Variants in SLC30A8 observed in about 807,000 individuals in gnomAD.
The protein encoded by SLC30A8 is proton-coupled zinc antiporter SLC30A8.
Under a neutral mutation model 36.9 loss-of-function variants are expected in SLC30A8, and 27 were observed. The observed-to-expected ratio is 0.73, with a 90% confidence interval of 0.54 to 1.01. SLC30A8 has a LOEUF of 1.01. SLC30A8 is among the 50% of genes least tolerant of loss of function. SLC30A8 has a pLI of 0.00. For missense variants in SLC30A8, 439 were observed against 452.0 expected, an observed-to-expected ratio of 0.97 and a Z score of 0.26; for synonymous variants, 164 against 172.4, an observed-to-expected ratio of 0.95 and a Z score of 0.38.
At chr8:117,028,544 A>G (rs1262819169) in intron 1 of SLC30A8, among the ~76,000 whole-genome samples, 3 of 130,058 alleles carry the variant, frequency 2.3e-5, no homozygotes, top group African/African-American at 9.0e-5. Context: ...GCATCTTCTC[A>G]CCACAGTTTT....
intron 1 of SLC30A8, among the ~76,000 whole-genome samples, chr8:117,022,444 A>T (rs1292306487): frequency 6.6e-6 from 1 of 152,220 alleles, no homozygotes; most frequent in East Asian, 1.9e-4. Flanking sequence ...AATGACCTTT[A>T]GTGTCCCTCT....
Position 117,028,456 on chromosome 8 carries a change from G to T in SLC30A8, c.-265-10763G>T, listed in dbSNP as rs1020753944. 2.0e-5 allele frequency among the ~76,000 whole-genome samples: 3 copies of T among 152,066 alleles called. No homozygotes were observed. In the South Asian group the frequency reaches 6.2e-4, roughly 31 times the overall value. On this transcript the variant is annotated intron_variant, in intron 1 of 10. Transcript: ENST00000427715. The stretch of plus-strand genomic sequence containing the variant: ...GGGGACAGTCTCTAGACCTCAGAGG[G>T]TTGCTGGATAGTGTCTGAAAATTTT...
chr8:117,101,325 G>C (rs996854115), intron 2 of SLC30A8, among the ~76,000 whole-genome samples: 1 of 152,026 alleles, frequency 6.6e-6, no homozygotes, highest in Non-Finnish European at 1.5e-5. Flanking sequence ...TTTTGGAGTC[G>C]TTGGACACAC....
intron 2 of SLC30A8, among the ~76,000 whole-genome samples, chr8:117,086,541 G>A (rs1818885064): frequency 6.6e-6 from 1 of 152,150 alleles, no homozygotes; most frequent in Non-Finnish European, 1.5e-5. Flanking sequence ...TCTGTGAATT[G>A]GCTGAGGTCA....
At chr8:116,954,130 A>T (rs1052021620) in intron 1 of SLC30A8, among the ~76,000 whole-genome samples, 1 of 152,178 alleles carries the variant, frequency 6.6e-6, no homozygotes, top group Non-Finnish European at 1.5e-5. Context: ...GAAGTTGGAG[A>T]TAAGATAATG....
intron 1 of SLC30A8, among the ~76,000 whole-genome samples, chr8:116,971,056 CTG>C (rs1814779354): frequency 6.6e-6 from 1 of 152,184 alleles, no homozygotes; most frequent in Non-Finnish European, 1.5e-5. Flanking sequence ...GATCACGCCA[CTG>C]TATTCTAGCC....
intron 1 of SLC30A8, among the ~76,000 whole-genome samples, chr8:117,140,814 A>G (rs1339530423): frequency 1.3e-5 from 2 of 152,156 alleles, no homozygotes; most frequent in East Asian, 1.9e-4. Context: ...TTCCTAAAAA[A>G]TAATAGCACC....
At chr8:117,027,544 T>C (rs1816911617) in intron 1 of SLC30A8, among the ~76,000 whole-genome samples, 1 of 152,258 alleles carries the variant, frequency 6.6e-6, no homozygotes, top group East Asian at 1.9e-4. Context: ...CTGTGCTGTA[T>C]TGTTGACTCC....
Position 117,172,670 on chromosome 8 carries a change from C to G in SLC30A8, c.1099C>G (p.Pro367Ala). ...QDPDCLFCED[P>A]CD ...CCCCGACTGCCTTTTCTGTGAAGACCCCTGTGACTAGCTCAGTCACACCGT... is the reference window on the plus strand; with the variant it reads ...CCCCGACTGCCTTTTCTGTGAAGACGCCTGTGACTAGCTCAGTCACACCGT... Residue 367 changes from proline to alanine, a missense_variant, in exon 8 of 8, where the codon CCC (proline) becomes GCC (alanine). Physicochemically the swap from Pro to Ala is conservative, Grantham distance 27. Transcript: ENST00000456015. 1.2e-6 allele frequency: 2 copies of G among 1,613,602 alleles called. No homozygotes were observed. The highest frequency in any genetic ancestry group is 1.7e-6 in the Non-Finnish European group (2 of 1,179,640).
chr8:116,997,941 A>G (rs775133945), intron 1 of SLC30A8, among the ~76,000 whole-genome samples: 11 of 152,212 alleles, frequency 7.2e-5, no homozygotes, highest in Non-Finnish European at 8.8e-5. Flanking sequence ...CCACTTGGTC[A>G]TTGCTGCAAA....
chr8:117,066,741 G>A (rs371426566), intron 2 of SLC30A8, among the ~76,000 whole-genome samples: 8 of 152,096 alleles, frequency 5.3e-5, no homozygotes, highest in African/African-American at 1.9e-4. Flanking sequence ...CCTTCTCTGG[G>A]ACTTTTGGCA....
chr8:117,168,804 G>C (rs1268604567), intron 6 of SLC30A8, among the ~76,000 whole-genome samples: 1 of 152,090 alleles, frequency 6.6e-6, no homozygotes, highest in African/African-American at 2.4e-5. Flanking sequence ...TAGTATTTGC[G>C]TAACACTTTA....
chr8:117,006,788 T>A lies in SLC30A8; in HGVS notation c.-265-32431T>A, dbSNP rs1434427564. On this transcript the variant is annotated intron_variant, in intron 1 of 10. Transcript: ENST00000427715. ...AGTCAGGTAATTTTTTTTTTTTTTT[T>A]TTTTTTTTTTTTGAGACGGAATCTG... Among the ~76,000 whole-genome samples the A allele has an allele frequency of 2.3e-3, 295 of 126,488 alleles. 4 individuals are homozygous for A. Among genetic ancestry groups the A allele is most frequent in the African/African-American group, 8.8e-3 (274 of 31,304 alleles). The allele number at this position is 126,488 out of a possible 152,430, so 83.0% of individuals were successfully genotyped here.
intron 3 of SLC30A8, among the ~76,000 whole-genome samples, chr8:117,155,612 C>G (rs1200817266): frequency 6.6e-6 from 1 of 152,124 alleles, no homozygotes; most frequent in Non-Finnish European, 1.5e-5. Flanking sequence ...TGAAGGTTGT[C>G]TATGAATGAG....
At chr8:117,144,265 A>G (rs1486178401) in intron 1 of SLC30A8, among the ~76,000 whole-genome samples, 1 of 152,158 alleles carries the variant, frequency 6.6e-6, no homozygotes, top group East Asian at 1.9e-4. Flanking sequence ...TAAATACTTT[A>G]TTTGTTACTT....
intron 1 of SLC30A8, among the ~76,000 whole-genome samples, chr8:117,022,207 A>C (rs1015921769): frequency 4.6e-5 from 7 of 152,086 alleles, no homozygotes; most frequent in African/African-American, 1.7e-4. Flanking sequence ...CTCAAAAAAA[A>C]AAAAAGAAAA....
rs755870509 is a variant in SLC30A8, at chr8:117,171,159, G to A, written c.955G>A (p.Val319Ile). 6.2e-7 allele frequency: 1 copy of A among 1,613,496 alleles called. No individual in the cohort carries two copies. The highest frequency in any genetic ancestry group is 1.7e-5 in the Admixed American group (1 of 59,972). Residue 319 changes from valine (V) to isoleucine (I), a missense_variant, in exon 7 of 8, where the codon GTT becomes ATT. Physicochemically the swap from Val to Ile is conservative, Grantham distance 29. Coordinates refer to ENST00000456015, the MANE Select transcript of SLC30A8 (RefSeq NM_173851.3). ...GAATCAAGTAATTCTCTCAGCTCAT[G>A]TTGCTACAGGTCAGTGAGTTTTGTA... is the stretch of plus-strand genomic sequence containing the variant. ...TMNQVILSAH[V>I]ATAASRDSQV...
At chr8:117,095,737 C>T (rs756467062) in intron 2 of SLC30A8, among the ~76,000 whole-genome samples, 13 of 152,152 alleles carry the variant, frequency 8.5e-5, no homozygotes, top group Non-Finnish European at 1.8e-4. Flanking sequence ...ACTTGCTAGG[C>T]AGTGAGGTGG....
intron 2 of SLC30A8, among the ~76,000 whole-genome samples, chr8:117,076,443 G>T (rs183645935): frequency 6.6e-6 from 1 of 152,178 alleles, no homozygotes; most frequent in African/African-American, 2.4e-5. Flanking sequence ...CGAATTTTGA[G>T]AAATAGTTAC....
Sources: allele counts gnomAD v4.1 joint callset (sites outside exome capture counted in the v4.1 genomes callset), GRCh38; gene constraint gnomAD v4.1.1; transcripts MANE v1.5; gene names NCBI Gene and HGNC (gene_info 2026-07-23, HGNC 2026-07-21).